Variants in SYNE1 observed in about 807,000 individuals in gnomAD.
SYNE1 encodes spectrin repeat containing nuclear envelope protein 1, also known as nesprin-1.
A neutral mutation model predicts 1,111.0 loss-of-function variants in SYNE1; 616 were observed. That is an observed-to-expected ratio of 0.55 (90% confidence interval 0.52 to 0.59). The LOEUF (loss-of-function observed/expected upper bound fraction) is 0.59. SYNE1 is among the 20% of genes least tolerant of loss of function. SYNE1 has a pLI of 0.00. For missense variants in SYNE1, 10,006 were observed against 10,417.0 expected, an observed-to-expected ratio of 0.96 and a Z score of 1.72; for synonymous variants, 3,855 against 3,825.8, an observed-to-expected ratio of 1.01 and a Z score of -0.28.
chr6:152,254,909 C>T lies in SYNE1; in HGVS notation c.19441G>A (p.Glu6481Lys). ...VVNQRCHQMKERLQQILNFQN... is the reference protein window; with the variant it reads ...VVNQRCHQMKKRLQQILNFQN... Reference sequence around the variant, plus strand: ...AAATTTAGTATTTGCTGAAGTCTTTCTTTCATCTGATGACATCGTTGATTC... The same window carrying T: ...AAATTTAGTATTTGCTGAAGTCTTTTTTTCATCTGATGACATCGTTGATTC... The change falls in exon 104 of 146, where the codon GAA becomes AAA. Residue 6481 changes from glutamate (E) to lysine (K), a missense_variant. Transcript: ENST00000367255. 1.9e-6 allele frequency: 3 copies of T among 1,613,902 alleles called. No homozygotes were observed. Among genetic ancestry groups the T allele is most frequent in the Non-Finnish European group, 2.5e-6 (3 of 1,179,896 alleles).
intron 12 of SYNE1, among the ~76,000 whole-genome samples, chr6:152,486,127 G>A (rs1472493800): frequency 6.6e-6 from 1 of 151,928 alleles, no homozygotes; most frequent in Non-Finnish European, 1.5e-5. Flanking sequence ...CCTGGGAGGC[G>A]GAGGTTGCAG....
intron 104 of SYNE1, among the ~76,000 whole-genome samples, chr6:152,254,513 G>T (rs898391275): frequency 6.6e-6 from 1 of 152,046 alleles, no homozygotes; most frequent in Admixed American, 6.6e-5. Flanking sequence ...GCCTCCCAAA[G>T]TGCTGGGATC....
chr6:152,368,926 T>G lies in SYNE1; in HGVS notation c.9807+46A>C, dbSNP rs774237320. ...GCAGAACCTGCTGCAACTCCAATTT[T>G]GCGACATCAGTATCACACTCACACA... On this transcript the variant is annotated intron_variant, in intron 61 of 145. Coordinates refer to ENST00000367255, the MANE Select transcript of SYNE1 (RefSeq NM_182961.4). The G allele has an allele frequency of 3.1e-6, 5 of 1,613,530 alleles. No homozygotes were observed. The East Asian group carries it at 1.1e-4, about 36-fold the overall frequency.
intron 145 of SYNE1, chr6:152,125,932 C>T (rs1354104046): frequency 6.6e-6 from 1 of 152,232 alleles, no homozygotes; most frequent in Non-Finnish European, 1.5e-5. Context: ...TTAATGCACC[C>T]CTCATCTTTG....
chr6:152,173,388 C>T (rs1032602362), intron 130 of SYNE1, among the ~76,000 whole-genome samples: 1 of 152,158 alleles, frequency 6.6e-6, no homozygotes. Flanking sequence ...CTCTCCATTC[C>T]CACAAGAGCA....
At chr6:152,143,565 CTTT>C in intron 138 of SYNE1, 55 bp downstream of exon 138, 1 of 1,613,130 alleles carries the variant, frequency 6.2e-7, no homozygotes, top group Non-Finnish European at 8.5e-7. Context: ...ACGAACTGTT[CTTT>C]GACACAGAAC....
At chr6:152,209,508 G>A (rs1193867383) in intron 124 of SYNE1, among the ~76,000 whole-genome samples, 1 of 152,084 alleles carries the variant, frequency 6.6e-6, no homozygotes, top group African/African-American at 2.4e-5. Flanking sequence ...CCAGCACCTT[G>A]GGAGGCCGAG....
chr6:152,326,962 G>T (rs772542465), intron 78 of SYNE1, among the ~76,000 whole-genome samples: 8 of 152,158 alleles, frequency 5.3e-5, no homozygotes, highest in Non-Finnish European at 1.2e-4. Flanking sequence ...CAGACTGGAT[G>T]TTTATCAAAG....
At chr6:152,166,198 T>C (rs1195919103) in intron 130 of SYNE1, among the ~76,000 whole-genome samples, 1 of 152,198 alleles carries the variant, frequency 6.6e-6, no homozygotes, top group Non-Finnish European at 1.5e-5. Flanking sequence ...GTCTCCTCCA[T>C]GGTAACTTCC....
chr6:152,612,808 C>A (rs984260315), intron 3 of SYNE1, among the ~76,000 whole-genome samples: 1 of 152,152 alleles, frequency 6.6e-6, no homozygotes, highest in African/African-American at 2.4e-5. Flanking sequence ...CATGATCAAG[C>A]TGGCTTCACC....
intron 78 of SYNE1, among the ~76,000 whole-genome samples, chr6:152,329,054 C>G (rs1323280861): frequency 6.6e-6 from 1 of 152,176 alleles, no homozygotes; most frequent in Non-Finnish European, 1.5e-5. Context: ...CAAAGGGCAT[C>G]ACTAATTATT....
chr6:152,578,076 T>A (rs1282381989), intron 3 of SYNE1, among the ~76,000 whole-genome samples: 1 of 152,214 alleles, frequency 6.6e-6, no homozygotes. Context: ...AAATGGTTTT[T>A]TTTGCTACAA....
intron 115 of SYNE1, among the ~76,000 whole-genome samples, chr6:152,226,753 G>C (rs2081660053): frequency 6.6e-6 from 1 of 152,140 alleles, no homozygotes; most frequent in South Asian, 2.1e-4. Flanking sequence ...GTGAGGGATG[G>C]AGTGGGGATT....
At chr6:152,524,499 T>C (rs1368862515) in intron 5 of SYNE1, among the ~76,000 whole-genome samples, 4 of 151,992 alleles carry the variant, frequency 2.6e-5, no homozygotes, top group Admixed American at 6.6e-5. Flanking sequence ...TATCAGGTAA[T>C]CAAGGGAGTA....
At position 152,331,890 on chromosome 6, in the gene SYNE1, T is replaced by C. The variant is rs1554474578; in HGVS notation, c.12795A>G (p.Arg4265=). The C allele has an allele frequency of 6.2e-7, 1 of 1,611,202 alleles. No individual in the cohort carries two copies. Among genetic ancestry groups the C allele is most frequent in the Non-Finnish European group, 8.5e-7 (1 of 1,179,998 alleles). Residue 4265 remains arginine (R), a splice_region_variant and synonymous_variant, in exon 78 of 146, where the codon AGA becomes AGG. Coordinates refer to ENST00000367255, the MANE Select transcript of SYNE1 (RefSeq NM_182961.4). ...GGACAGCTGTACTCTCTGCATCAGA[T>C]CTGAAAATACATGGAAAGGTATAAG... ...KFTTEWDNLA[R]SDAESTAVHL...
chr6:152,473,215 A>G (rs1359946083), intron 14 of SYNE1, among the ~76,000 whole-genome samples: 1 of 152,226 alleles, frequency 6.6e-6, no homozygotes, highest in Non-Finnish European at 1.5e-5. Flanking sequence ...CTTAATTTCT[A>G]GAGCTTAGTT....
chr6:152,591,326 A>G (rs1023938661), intron 3 of SYNE1, among the ~76,000 whole-genome samples: 2 of 152,208 alleles, frequency 1.3e-5, no homozygotes, highest in Non-Finnish European at 2.9e-5. Context: ...AGACTGATGG[A>G]ACAGAATAGA....
chr6:152,206,282 C>G lies in SYNE1; in HGVS notation c.22905G>C (p.Ala7635=). 1 of 1,613,998 alleles carries G rather than the reference C, an allele frequency of 6.2e-7. No homozygotes were observed. The highest frequency in any genetic ancestry group is 1.1e-5 in the South Asian group (1 of 91,074). ...VEAGKQLLLS[A]DSGAEAALQA... is the part of the protein sequence containing the mutation. Reference sequence around the variant, plus strand: ...GCAAGGCGGCCTCAGCGCCACTGTCCGCCGAGAGAAGGAGTTGCTTGCCAG... The same window carrying G: ...GCAAGGCGGCCTCAGCGCCACTGTCGGCCGAGAGAAGGAGTTGCTTGCCAG... Residue 7635 remains alanine (A), a synonymous_variant, in exon 126 of 146, where the codon GCG becomes GCC. Transcript: ENST00000367255.
At chr6:152,293,529 C>G (rs772527370) in intron 95 of SYNE1, 59 bp downstream of exon 95, 2 of 1,596,984 alleles carry the variant, frequency 1.3e-6, no homozygotes, top group Non-Finnish European at 8.6e-7. Context: ...GACAGGCCAA[C>G]CAGTCACAAC....
Sources: allele counts gnomAD v4.1 joint callset (sites outside exome capture counted in the v4.1 genomes callset), GRCh38; gene constraint gnomAD v4.1.1; transcripts MANE v1.5; gene names NCBI Gene and HGNC (gene_info 2026-07-23, HGNC 2026-07-21).